The following SPTBN1 variants were observed in gnomAD, a reference collection of about 807,000 sequenced individuals.
The protein encoded by SPTBN1 is spectrin beta chain, non-erythrocytic 1.
SPTBN1 carries 32 observed loss-of-function variants against 266.4 expected under a neutral mutation model. That is an observed-to-expected ratio of 0.12 (90% CI 0.09 to 0.16). The LOEUF is 0.16. Ranked by LOEUF, SPTBN1 falls within the 10% of genes least tolerant of loss-of-function variation. The pLI, the probability that SPTBN1 is intolerant of heterozygous loss-of-function variation, is 1.00. For missense variants in SPTBN1, 2,296 were observed against 3,067.1 expected (o/e 0.75, Z 5.94); for synonymous variants, 1,336 against 1,162.2 (o/e 1.15, Z -3.04).
intron 1 of SPTBN1, among the ~76,000 whole-genome samples, chr2:54,484,065 T>C (rs1413092214): frequency 6.6e-6 from 1 of 152,094 alleles, no homozygotes; most frequent in East Asian, 1.9e-4. Context: ...CATGGTGGTA[T>C]GTGCCTGTGC....
At chr2:54,667,577 GACTA>G (rs773279705) in intron 34 of SPTBN1, 23 bp from the exon 35 acceptor site, 8 of 1,610,596 alleles carry the variant, frequency 5.0e-6, no homozygotes, top group Admixed American at 1.7e-5. Flanking sequence ...ATTAAGTGGT[GACTA>G]ACTTTCTTCC....
intron 2 of SPTBN1, among the ~76,000 whole-genome samples, chr2:54,560,497 G>T (rs1376410292): frequency 2.0e-5 from 3 of 152,076 alleles, no homozygotes; most frequent in African/African-American, 7.2e-5. Context: ...CGCCGAGAAG[G>T]GTGGAGCCTA....
At chr2:54,581,367 T>G (rs10182836) in intron 2 of SPTBN1, among the ~76,000 whole-genome samples, 51,463 of 151,836 alleles carry the variant, frequency 0.34, 11,204 homozygotes, top group African/African-American at 0.63. Context: ...CTCCATAGGG[T>G]CGTCCGTGAG....
At chr2:54,550,000 G>A (rs947532439) in intron 2 of SPTBN1, among the ~76,000 whole-genome samples, 1 of 152,192 alleles carries the variant, frequency 6.6e-6, no homozygotes, top group African/African-American at 2.4e-5. Flanking sequence ...TCCTGGTCAT[G>A]CACTTGTTTG....
At chr2:54,524,949 A>ATT (rs71770881) in intron 1 of SPTBN1, among the ~76,000 whole-genome samples, 1 of 151,730 alleles carries the variant, frequency 6.6e-6, no homozygotes, top group Non-Finnish European at 1.5e-5. Context: ...CTCTGCTGTC[A>ATT]TTTTTTTTTA....
rs761388241 is a variant in SPTBN1 at position 54,526,453 on chromosome 2, T to G, written c.35T>G (p.Ile12Ser). The G allele has an allele frequency of 6.2e-7, 1 of 1,613,976 alleles. No individual in the cohort carries two copies. The highest frequency in any genetic ancestry group is 8.5e-7 in the Non-Finnish European group (1 of 1,180,006). Residue 12 changes from isoleucine to serine, a missense_variant, in exon 2 of 36, where the codon ATT becomes AGT. Coordinates refer to ENST00000356805, the MANE Select transcript of SPTBN1 (RefSeq NM_003128.3). ...TTTVATDYDNIEIQQQYSDVN... is the reference protein window; with the variant it reads ...TTTVATDYDNSEIQQQYSDVN... ...ACAGTAGCCACAGACTATGACAACA[T>G]TGAGATCCAGCAGCAGTACAGTGAT... is the stretch of plus-strand genomic sequence containing the variant.
intron 1 of SPTBN1, among the ~76,000 whole-genome samples, chr2:54,512,052 C>T (rs1043012086): frequency 1.3e-5 from 2 of 152,062 alleles, no homozygotes; most frequent in African/African-American, 4.8e-5. Flanking sequence ...GTGCAGTTCA[C>T]AGTAGGGTTT....
In SPTBN1 at chr2:54,611,622, T is replaced by A. The variant is rs540459386; in HGVS notation, c.301-539T>A. Among the ~76,000 whole-genome samples, 14 of 152,332 alleles carry A rather than the reference T, an allele frequency of 9.2e-5. No homozygotes were observed. In the South Asian group the frequency reaches 2.9e-3, roughly 32 times the overall value. On this transcript the variant is annotated intron_variant, in intron 3 of 35. Transcript: ENST00000356805. ...TCATTTTTTTCCCTTTTCCCCTTCTTTTCAGTAAGTTATACTTCTTTACTT... is the reference window on the plus strand; with the variant it reads ...TCATTTTTTTCCCTTTTCCCCTTCTATTCAGTAAGTTATACTTCTTTACTT...
Position 54,631,106 on chromosome 2 carries a change from A to G in SPTBN1, c.3059A>G (p.Glu1020Gly). 1 of 1,614,166 alleles carries G rather than the reference A, an allele frequency of 6.2e-7. No individual in the cohort carries two copies. The highest frequency in any genetic ancestry group is 8.5e-7 in the Non-Finnish European group (1 of 1,180,030). Residue 1020 changes from glutamate to glycine, a missense_variant, in exon 16 of 36, where the codon GAG becomes GGG. Glu to Gly is a moderately conservative substitution (Grantham distance 98). Coordinates refer to ENST00000356805, the MANE Select transcript of SPTBN1 (RefSeq NM_003128.3). ...CTGAGTGACCTGCAGAAGGAGGCGG[A>G]GAAGCTGGAGTCCGAGCACCCCGAC... ...AKLSDLQKEAEKLESEHPDQA... is the reference protein window; with the variant it reads ...AKLSDLQKEAGKLESEHPDQA...
At chr2:54,541,694 A>C (rs976780469) in intron 2 of SPTBN1, among the ~76,000 whole-genome samples, 1 of 152,352 alleles carries the variant, frequency 6.6e-6, no homozygotes, top group African/African-American at 2.4e-5. Context: ...ATGACTTCAG[A>C]GTACTCATGG....
intron 1 of SPTBN1, among the ~76,000 whole-genome samples, chr2:54,466,257 T>G (rs933323015): frequency 6.6e-6 from 1 of 152,144 alleles, no homozygotes; most frequent in Non-Finnish European, 1.5e-5. Context: ...AATAGATCAA[T>G]TAGTATGAAA....
At chr2:54,546,944 A>G (rs1269032506) in intron 2 of SPTBN1, among the ~76,000 whole-genome samples, 1 of 128,700 alleles carries the variant, frequency 7.8e-6, no homozygotes, top group Non-Finnish European at 1.7e-5. Flanking sequence ...TTTAAAATTC[A>G]TTTTTAATGG....
Position 54,624,980 on chromosome 2 carries a change from ATTAAAAAGACTG to A in SPTBN1, c.1341+21_1341+32del, listed in dbSNP as rs770182688. The A allele has an allele frequency of 1.1e-5, 17 of 1,564,940 alleles. No homozygotes were observed. Among genetic ancestry groups the A allele is most frequent in the Non-Finnish European group, 1.5e-5 (17 of 1,158,328 alleles). Reference sequence around the variant, plus strand: ...TGTCTCAGGTTCTGCTCTTGACATTATTAAAAAGACTGTTGCTAGGGTAATCTAGAAACACAG... The same window carrying A: ...TGTCTCAGGTTCTGCTCTTGACATTATTGCTAGGGTAATCTAGAAACACAG... On this transcript the variant is annotated intron_variant, in intron 11 of 35. Coordinates refer to ENST00000356805, the MANE Select transcript of SPTBN1 (RefSeq NM_003128.3).
At chr2:54,620,217 A>G (rs558459150) in intron 7 of SPTBN1, among the ~76,000 whole-genome samples, 1 of 152,340 alleles carries the variant, frequency 6.6e-6, no homozygotes, top group Non-Finnish European at 1.5e-5. Flanking sequence ...TGAATTTTGT[A>G]AGGCAAACAA....
At chr2:54,662,348 C>G (rs1681103183) in intron 32 of SPTBN1, 2 of 981,292 alleles carry the variant, frequency 2.0e-6, no homozygotes, top group East Asian at 2.3e-4. Context: ...TTTGCATAAA[C>G]ATTAATGATC....
intron 1 of SPTBN1, among the ~76,000 whole-genome samples, chr2:54,493,654 G>T (rs1167979382): frequency 1.3e-5 from 2 of 151,284 alleles, no homozygotes; most frequent in African/African-American, 4.9e-5. Flanking sequence ...CACCTGCCTT[G>T]GCCTCCCAAA....
Position 54,495,053 on chromosome 2 carries a change from G to A in SPTBN1, c.-47-31319G>A, listed in dbSNP as rs72915026. Among the ~76,000 whole-genome samples, 1,496 of 152,232 alleles carry A rather than the reference G, an allele frequency of 9.8e-3. 33 individuals carry two copies. Among genetic ancestry groups the A allele is most frequent in the African/African-American group, 0.034 (1,419 of 41,522 alleles). On this transcript the variant is annotated intron_variant, in intron 1 of 35. Coordinates refer to ENST00000356805, the MANE Select transcript of SPTBN1 (RefSeq NM_003128.3). ...GCTGACAGGTGTAGTGCAGTGTGTG[G>A]AATGCTGTGACAGGTGTGGGCACAG...
intron 2 of SPTBN1, among the ~76,000 whole-genome samples, chr2:54,559,228 C>G (rs1433009099): frequency 6.6e-6 from 1 of 152,192 alleles, no homozygotes; most frequent in Non-Finnish European, 1.5e-5. Context: ...CGGGTCGCCT[C>G]TGGCTCCCAG....
intron 18 of SPTBN1, among the ~76,000 whole-genome samples, chr2:54,638,441 C>T (rs1480394398): frequency 6.6e-6 from 1 of 152,234 alleles, no homozygotes; most frequent in Admixed American, 6.5e-5. Context: ...ATCTTTCAGG[C>T]TGTTCCCATG....
Sources: allele counts gnomAD v4.1 joint callset (sites outside exome capture counted in the v4.1 genomes callset), GRCh38; gene constraint gnomAD v4.1.1; transcripts MANE v1.5; gene names NCBI Gene and HGNC (gene_info 2026-07-23, HGNC 2026-07-21).